The following PRKG1 variants were observed in gnomAD, a reference collection of about 807,000 sequenced individuals.
PRKG1 encodes protein kinase cGMP-dependent 1.
A neutral mutation model predicts 88.1 loss-of-function variants in PRKG1; 35 were observed. The observed-to-expected ratio is 0.40, with a 90% CI of 0.30 to 0.53. The LOEUF (loss-of-function observed/expected upper bound fraction) is 0.53. Ranked by LOEUF, PRKG1 falls within the 20% of genes least tolerant of loss-of-function variation. PRKG1 has a pLI of 0.59. For synonymous variants in PRKG1, 303 were observed against 292.5 expected (o/e 1.04, Z -0.37); for missense variants, 540 against 839.8 (o/e 0.64, Z 4.41).
At chr10:51,628,730 C>G (rs995634213) in intron 3 of PRKG1, among the ~76,000 whole-genome samples, 2 of 151,426 alleles carry the variant, frequency 1.3e-5, no homozygotes, top group African/African-American at 4.8e-5. Context: ...GAGGCCGAGG[C>G]GGGTGGATCA....
chr10:51,457,949 G>A (rs293283), intron 2 of PRKG1, among the ~76,000 whole-genome samples: 53,606 of 151,980 alleles, frequency 0.35, 10,524 homozygotes, highest in African/African-American at 0.51. Flanking sequence ...ACCTGCCCCA[G>A]GCCATTTGTA....
At chr10:51,020,111 A>G (rs1298514309) in intron 1 of PRKG1, among the ~76,000 whole-genome samples, 1 of 152,218 alleles carries the variant, frequency 6.6e-6, no homozygotes, top group Non-Finnish European at 1.5e-5. Context: ...AAAATTAAAA[A>G]TAGAATTACC....
chr10:51,591,150 T>C (rs970339526), intron 3 of PRKG1, among the ~76,000 whole-genome samples: 1 of 149,596 alleles, frequency 6.7e-6, no homozygotes, highest in Admixed American at 6.6e-5. Flanking sequence ...GTAGTATGTG[T>C]GTGTGTGTGT....
At chr10:51,462,758 G>A (rs293294) in intron 2 of PRKG1, among the ~76,000 whole-genome samples, 10 of 151,938 alleles carry the variant, frequency 6.6e-5, no homozygotes, top group East Asian at 1.9e-4. Context: ...CCCTTTAAAC[G>A]TCATTTTAGC....
At chr10:51,044,811 G>T (rs1247714551) in intron 1 of PRKG1, among the ~76,000 whole-genome samples, 1 of 152,104 alleles carries the variant, frequency 6.6e-6, no homozygotes, top group Admixed American at 6.6e-5. Flanking sequence ...TAACCCTTAA[G>T]AAAATCCTAA....
At position 51,591,557 on chromosome 10, in the gene PRKG1, C is replaced by A. The variant is rs141921486; in HGVS notation, c.592+123721C>A. On this transcript the variant is annotated intron_variant, in intron 3 of 17. Transcript: ENST00000373980. ...GAAGAGTAAGTTGTCACCAGCACTG[C>A]AGAAAGTGTTCAGTCTAATTAACAA... 3.5e-4 allele frequency among the ~76,000 whole-genome samples: 53 copies of A among 152,218 alleles called. 1 individual carries two copies. In the East Asian group the frequency reaches 9.9e-3, roughly 28 times the overall value.
At chr10:51,698,645 C>T (rs748846035) in intron 3 of PRKG1, 43 of 1,614,008 alleles carry the variant, frequency 2.7e-5, no homozygotes, top group Middle Eastern at 1.6e-4. Context: ...CACTTGTCCC[C>T]GCTCTAAAGG....
intron 6 of PRKG1, among the ~76,000 whole-genome samples, chr10:52,061,938 A>C (rs561635732): frequency 5.9e-4 from 90 of 152,202 alleles, no homozygotes; most frequent in African/African-American, 2.0e-3. Context: ...GGAGGCATTT[A>C]GAAGGATGTT....
At chr10:51,243,018 G>A (rs1366493166) in intron 2 of PRKG1, among the ~76,000 whole-genome samples, 4 of 152,126 alleles carry the variant, frequency 2.6e-5, no homozygotes, top group African/African-American at 7.2e-5. Context: ...GGTCTTCAAT[G>A]GCATGCTTGT....
chr10:51,672,016 C>T (rs1257508201), intron 3 of PRKG1, among the ~76,000 whole-genome samples: 2 of 151,382 alleles, frequency 1.3e-5, no homozygotes, highest in Non-Finnish European at 2.9e-5. Flanking sequence ...TAACCCAGTA[C>T]AGTGTTGTGC....
At chr10:51,535,273 T>C (rs1010646795) in intron 3 of PRKG1, among the ~76,000 whole-genome samples, 2 of 152,214 alleles carry the variant, frequency 1.3e-5, no homozygotes, top group Non-Finnish European at 2.9e-5. Flanking sequence ...ATTCAGCATC[T>C]ATTTTCCCCT....
At chr10:52,216,514 C>T (rs1199847017) in intron 9 of PRKG1, among the ~76,000 whole-genome samples, 2 of 152,100 alleles carry the variant, frequency 1.3e-5, no homozygotes, top group Non-Finnish European at 2.9e-5. Context: ...AGAAAAATAC[C>T]TGTTTATTAA....
chr10:51,360,309 A>G (rs756942200), intron 2 of PRKG1, among the ~76,000 whole-genome samples: 3 of 151,920 alleles, frequency 2.0e-5, no homozygotes, highest in African/African-American at 7.2e-5. Context: ...GACCTTGTAC[A>G]GGTAAACTTA....
At chr10:52,100,707 T>A (rs887313726) in intron 7 of PRKG1, among the ~76,000 whole-genome samples, 1 of 152,228 alleles carries the variant, frequency 6.6e-6, no homozygotes, top group Non-Finnish European at 1.5e-5. Flanking sequence ...TTATCCAAGA[T>A]GAATTGTTAA....
intron 2 of PRKG1, among the ~76,000 whole-genome samples, chr10:51,195,833 A>G (rs1223314934): frequency 5.9e-5 from 9 of 152,212 alleles, no homozygotes; most frequent in Admixed American, 3.9e-4. Context: ...CTAAATTTCA[A>G]CTAATATCTA....
chr10:51,587,111 G>A (rs12262193), intron 3 of PRKG1, among the ~76,000 whole-genome samples: 74,774 of 151,834 alleles, frequency 0.49, 19,031 homozygotes, highest in Non-Finnish European at 0.55. Context: ...ATATTCAGAC[G>A]GGCCTCATTT....
At chr10:51,891,988 T>G (rs1236457767) in intron 4 of PRKG1, among the ~76,000 whole-genome samples, 1 of 152,188 alleles carries the variant, frequency 6.6e-6, no homozygotes, top group Non-Finnish European at 1.5e-5. Context: ...GAGAAGATAA[T>G]GGCTGAATTT....
intron 2 of PRKG1, among the ~76,000 whole-genome samples, chr10:51,261,881 A>ATTTTTTTTTTTTTT (rs375382268): frequency 8.3e-6 from 1 of 120,612 alleles, no homozygotes; most frequent in Admixed American, 8.6e-5. Flanking sequence ...GGATTTTCTA[A>ATTTTTTTTTTTTTT]TTTTTTTTTT....
chr10:52,275,956 G>T (rs924545604), intron 12 of PRKG1, among the ~76,000 whole-genome samples: 1 of 152,018 alleles, frequency 6.6e-6, no homozygotes, highest in African/African-American at 2.4e-5. Flanking sequence ...ATTGTAAAAG[G>T]GGTTGAGTTC....
Sources: gnomAD v4.1 joint callset for allele counts (sites outside exome capture counted in the v4.1 genomes callset) on GRCh38, gnomAD v4.1.1 for gene constraint, MANE v1.5 for transcripts, NCBI Gene and HGNC (gene_info 2026-07-23, HGNC 2026-07-21) for gene names.